Variants in MAP3K2 observed in about 807,000 individuals in gnomAD.
MAP3K2 encodes the protein mitogen-activated protein kinase kinase kinase 2.
MAP3K2 carries 24 observed loss-of-function variants against 80.3 expected under a neutral mutation model. That is an observed-to-expected ratio of 0.30 (90% CI 0.22 to 0.42). MAP3K2 has a LOEUF of 0.42. Among genes scored for constraint, MAP3K2 ranks in the 10% least tolerant of loss-of-function variants. MAP3K2 has a pLI of 1.00. For synonymous variants in MAP3K2, 244 were observed against 253.7 expected, an observed-to-expected ratio of 0.96 and a Z score of 0.36; for missense variants, 608 against 750.1, an observed-to-expected ratio of 0.81 and a Z score of 2.21.
intron 12 of MAP3K2, 107 bp from the exon 13 acceptor site, chr2:127,318,424 T>C: frequency 1.2e-6 from 1 of 818,198 alleles, no homozygotes; most frequent in Non-Finnish European, 1.7e-6. Context: ...TGAATGTACT[T>C]GGATATAAGG....
intron 1 of MAP3K2, among the ~76,000 whole-genome samples, chr2:127,383,061 A>G (rs1246569650): frequency 6.6e-6 from 1 of 152,216 alleles, no homozygotes; most frequent in African/African-American, 2.4e-5. Flanking sequence ...CTCACTTGGC[A>G]AGAGCAGGAG....
At position 127,387,574 on chromosome 2, in the gene MAP3K2, C is replaced by T. The variant is rs1177107624; in HGVS notation, c.-188G>A. 10 of 984,924 alleles carry T rather than the reference C, an allele frequency of 1.0e-5. No individual in the cohort carries two copies. The highest frequency in any genetic ancestry group is 1.2e-5 in the Non-Finnish European group (10 of 829,766). The allele number at this position is 984,924 out of a possible 1,614,324, so 61.0% of individuals were successfully genotyped here. ...CCAGGTCGGGGGCTGCCGCAGGGCC[C>T]CCGGGGACCGGAGGGGCGCGCGAGG... On this transcript the variant is annotated 5_prime_UTR_variant, in exon 1 of 17. Coordinates refer to ENST00000682094, the MANE Select transcript of MAP3K2 (RefSeq NM_001371910.2).
At position 127,322,078 on chromosome 2, in the gene MAP3K2, A is replaced by C; in HGVS notation, c.1013T>G (p.Leu338Trp). ...GGGTGGGCTGATGTCCATTACGGTC[A>C]AAGTAGGATTGTCTATGTCACTTCC... ...RRGSDIDNPT[L>W]TVMDISPPSR... The change falls in exon 12 of 17, where the codon TTG becomes TGG. Residue 338 changes from leucine to tryptophan, a missense_variant. This residue lies in a region of MAP3K2 where 467 missense variants were observed against 521.9 expected (regional missense o/e 0.89). Transcript: ENST00000682094. This position sits in a 1 kb window ranked among gnomAD's most constrained non-coding sequence, Gnocchi z 4.2. The C allele has an allele frequency of 6.2e-7, 1 of 1,613,658 alleles. No individual in the cohort carries two copies. The highest frequency in any genetic ancestry group is 8.5e-7 in the Non-Finnish European group (1 of 1,179,784).
intron 1 of MAP3K2, 94 bp downstream of exon 1, chr2:127,387,358 C>A (rs375491286): frequency 1.8e-5 from 8 of 439,602 alleles, no homozygotes; most frequent in Non-Finnish European, 2.1e-5. Context: ...CGCCAGCCCC[C>A]CTCCCGGCGC....
At chr2:127,333,391 A>G (rs1686300911) in intron 5 of MAP3K2, among the ~76,000 whole-genome samples, 1 of 152,176 alleles carries the variant, frequency 6.6e-6, no homozygotes, top group Non-Finnish European at 1.5e-5. Context: ...TTTCAATTCT[A>G]GCCAACTAGA....
At chr2:127,357,328 A>T (rs1686814058) in intron 1 of MAP3K2, among the ~76,000 whole-genome samples, 1 of 152,198 alleles carries the variant, frequency 6.6e-6, no homozygotes, top group African/African-American at 2.4e-5. Context: ...ACCTACAAAA[A>T]AATTAAAATT....
In MAP3K2 at chr2:127,367,268, C is replaced by T. The variant is rs575787133; in HGVS notation, c.-66+20184G>A. Among the ~76,000 whole-genome samples, 6 of 152,116 alleles carry T rather than the reference C, an allele frequency of 3.9e-5. No homozygotes were observed. In the South Asian group the frequency reaches 1.2e-3, roughly 32 times the overall value. On this transcript the variant is annotated intron_variant, in intron 1 of 16. Transcript: ENST00000682094. ...AGCAACCCTCTACTTATCTTGTTTC[C>T]TTATAGTATCTGAGCAACTAAGAAG...
At chr2:127,323,771 T>G (rs1388294380) in intron 11 of MAP3K2, 131 bp downstream of exon 11, 1 of 474,544 alleles carries the variant, frequency 2.1e-6, no homozygotes, top group Non-Finnish European at 3.7e-6. Flanking sequence ...CATTATACTT[T>G]TGTTATAACA....
intron 12 of MAP3K2, among the ~76,000 whole-genome samples, chr2:127,320,327 AAAAC>A (rs1006204561): frequency 1.3e-5 from 2 of 152,218 alleles, no homozygotes; most frequent in African/African-American, 4.8e-5. Flanking sequence ...CATGAAATGA[AAAAC>A]AATGACAGAA....
intron 1 of MAP3K2, among the ~76,000 whole-genome samples, chr2:127,367,675 C>A (rs1686995916): frequency 6.6e-6 from 1 of 152,166 alleles, no homozygotes; most frequent in South Asian, 2.1e-4. Flanking sequence ...TGCCTGTAAT[C>A]CCAGCTACTC....
intron 9 of MAP3K2, 61 bp from the exon 10 acceptor site, chr2:127,324,302 T>G: frequency 1.0e-6 from 1 of 1,000,382 alleles, no homozygotes; most frequent in Non-Finnish European, 1.5e-6. Flanking sequence ...AAAAAGAAAA[T>G]CTTTGAGCAA....
At chr2:127,355,634 A>G (rs1263945570) in intron 1 of MAP3K2, among the ~76,000 whole-genome samples, 1 of 152,150 alleles carries the variant, frequency 6.6e-6, no homozygotes, top group Non-Finnish European at 1.5e-5. Context: ...CTCCTGACTG[A>G]TAAGGGTGGT....
rs1171478933 is a variant in MAP3K2 at position 127,302,453 on chromosome 2, AC to A, written c.*5125del. The A allele has an allele frequency of 1.3e-5, 2 of 150,596 alleles. No homozygotes were observed. Among genetic ancestry groups the A allele is most frequent in the Admixed American group, 1.3e-4 (2 of 15,146 alleles). The allele number at this position is 150,596 out of a possible 1,614,324, so 9.3% of individuals were successfully genotyped here. Reference sequence around the variant, plus strand: ...CCTCCAACTCTAACCACACACACACACACACACACATGCATGCAAACGCACA... The same window carrying A: ...CCTCCAACTCTAACCACACACACACAACACACACATGCATGCAAACGCACA... On this transcript the variant is annotated 3_prime_UTR_variant, in exon 17 of 17. Coordinates refer to ENST00000682094, the MANE Select transcript of MAP3K2 (RefSeq NM_001371910.2).
At chr2:127,360,412 G>A (rs903871460) in intron 1 of MAP3K2, among the ~76,000 whole-genome samples, 2 of 150,994 alleles carry the variant, frequency 1.3e-5, no homozygotes, top group East Asian at 1.9e-4. Context: ...TAGGAACAAC[G>A]GATAGAGGTA....
intron 1 of MAP3K2, among the ~76,000 whole-genome samples, chr2:127,375,637 T>A (rs1687139917): frequency 6.6e-6 from 1 of 152,026 alleles, no homozygotes; most frequent in Non-Finnish European, 1.5e-5. Flanking sequence ...CTCAAACTCT[T>A]GACCTCGTGA....
intron 1 of MAP3K2, among the ~76,000 whole-genome samples, chr2:127,358,555 C>T (rs990758508): frequency 2.0e-4 from 30 of 151,798 alleles, no homozygotes; most frequent in Admixed American, 3.9e-4. Flanking sequence ...TAAAGTGTGG[C>T]ATATCCATAT....
intron 9 of MAP3K2, 92 bp from the exon 10 acceptor site, chr2:127,324,333 T>C (rs932849278): frequency 1.4e-6 from 1 of 711,636 alleles, no homozygotes; most frequent in African/African-American, 1.8e-5. Flanking sequence ...TATCTGTGCC[T>C]CTCTGTATGT....
At chr2:127,368,214 T>C (rs1687005269) in intron 1 of MAP3K2, among the ~76,000 whole-genome samples, 1 of 151,534 alleles carries the variant, frequency 6.6e-6, no homozygotes, top group Non-Finnish European at 1.5e-5. Flanking sequence ...CCCAGGTACT[T>C]GGGAGGCTGA....
At chr2:127,340,700 T>C (rs981030364) in intron 2 of MAP3K2, among the ~76,000 whole-genome samples, 1 of 151,542 alleles carries the variant, frequency 6.6e-6, no homozygotes, top group African/African-American at 2.4e-5. Flanking sequence ...AATTCTATAC[T>C]AGGGATAGAT....
Sources: gnomAD v4.1 joint callset for allele counts (sites outside exome capture counted in the v4.1 genomes callset) on GRCh38, gnomAD v4.1.1 for gene constraint, gnomAD v4.1.1 regional missense constraint, Gnocchi (gnomAD v3.1) non-coding constraint, MANE v1.5 for transcripts, NCBI Gene and HGNC (gene_info 2026-07-23, HGNC 2026-07-21) for gene names.